Variants in PNKD observed in about 807,000 individuals in gnomAD.
The protein encoded by PNKD is probable thioesterase PNKD.
PNKD carries 36 observed loss-of-function variants against 45.3 expected under a neutral mutation model. The observed-to-expected ratio is 0.80, with a 90% CI of 0.61 to 1.05. The LOEUF is 1.05. Ranked by LOEUF, PNKD falls within the 50% of genes least tolerant of loss-of-function variation. PNKD has a pLI of 0.00. For missense variants in PNKD, 511 were observed against 506.6 expected, an observed-to-expected ratio of 1.01 and a Z score of -0.08; for synonymous variants, 197 against 210.1, an observed-to-expected ratio of 0.94 and a Z score of 0.54.
intron 2 of PNKD, among the ~76,000 whole-genome samples, chr2:218,322,936 A>G (rs978553524): frequency 1.3e-5 from 2 of 152,166 alleles, no homozygotes; most frequent in Non-Finnish European, 2.9e-5. Flanking sequence ...CTGGACGGGG[A>G]GGCGGGCGGG....
chr2:218,273,905 AAG>A (rs945197630), intron 2 of PNKD, among the ~76,000 whole-genome samples: 4 of 152,256 alleles, frequency 2.6e-5, no homozygotes, highest in African/African-American at 9.6e-5. Context: ...CTCTTTGAGG[AAG>A]AGAGTTAGCT....
intron 2 of PNKD, among the ~76,000 whole-genome samples, chr2:218,302,392 G>A (rs1693293912): frequency 1.3e-5 from 2 of 152,164 alleles, no homozygotes; most frequent in African/African-American, 4.8e-5. Flanking sequence ...CTCTTATGTT[G>A]GCAGAAGGTG....
intron 2 of PNKD, among the ~76,000 whole-genome samples, chr2:218,298,837 C>T (rs1055811863): frequency 6.6e-6 from 1 of 152,304 alleles, no homozygotes; most frequent in African/African-American, 2.4e-5. Flanking sequence ...TTGCCCCCCA[C>T]CTAGGAAGCT....
Position 218,288,661 on chromosome 2 carries a change from G to A in PNKD, c.236+17112G>A, listed in dbSNP as rs150641949. On this transcript the variant is annotated intron_variant, in intron 2 of 9. Coordinates refer to ENST00000273077, the MANE Select transcript of PNKD (RefSeq NM_015488.5). The stretch of plus-strand genomic sequence containing the variant: ...CAGATTAGGGACGCTCAACCAGTAA[G>A]TATAATATACATAGCCCCAAATCCG... Among the ~76,000 whole-genome samples, 534 of 152,280 alleles carry A rather than the reference G, an allele frequency of 3.5e-3. 3 individuals are homozygous for A. Among genetic ancestry groups the A allele is most frequent in the African/African-American group, 0.012 (515 of 41,548 alleles).
chr2:218,290,217 A>G (rs991901736), intron 2 of PNKD: 2 of 152,258 alleles, frequency 1.3e-5, no homozygotes, highest in African/African-American at 4.8e-5. Context: ...GAAATTCACA[A>G]TGGCATATTC....
chr2:218,302,784 C>T (rs550190718), intron 2 of PNKD, among the ~76,000 whole-genome samples: 20 of 152,286 alleles, frequency 1.3e-4, no homozygotes, highest in Admixed American at 2.0e-4. Flanking sequence ...CCTGAGAACA[C>T]GTGGCCCAAG....
intron 2 of PNKD, chr2:218,323,368 G>A (rs1305854930): frequency 1.3e-6 from 2 of 1,581,814 alleles, no homozygotes; most frequent in Non-Finnish European, 8.6e-7. Context: ...CGCGGCTGCC[G>A]AGCGCGGCGG....
chr2:218,270,549 T>C lies in PNKD; in HGVS notation c.14T>C (p.Val5Ala). ...TGGGATCTGAACATGGCGGCGGTGG[T>C]AGCTGCTACGGCGCTGAAGGGCCGG... is the stretch of plus-strand genomic sequence containing the variant. MAAV[V>A]AATALKGRGA... Residue 5 changes from valine (V) to alanine (A), a missense_variant, in exon 1 of 10, where the codon GTA becomes GCA. Val to Ala is a moderately conservative substitution (Grantham distance 64, BLOSUM62 0). Transcript: ENST00000273077. 1 of 1,232,050 alleles carries C rather than the reference T, an allele frequency of 8.1e-7. No individual in the cohort carries two copies. The highest frequency in any genetic ancestry group is 1.0e-6 in the Non-Finnish European group (1 of 954,592). 76.3% of individuals were successfully genotyped at this position (1,232,050 alleles called of 1,614,324 possible).
chr2:218,342,026 C>T lies in PNKD; in HGVS notation c.663C>T (p.Ile221=). 6.2e-7 allele frequency: 1 copy of T among 1,613,630 alleles called. No homozygotes were observed. The highest frequency in any genetic ancestry group is 8.5e-7 in the Non-Finnish European group (1 of 1,179,510). ...QDVVSVGRLQ[I]RALATPGHTQ... The stretch of plus-strand genomic sequence containing the variant: ...TGGTCAGCGTGGGACGGCTTCAGAT[C>T]CGGGCCCTGGCTACACCTGGCCACA... Residue 221 remains isoleucine (I), a synonymous_variant, in exon 7 of 10, where the codon ATC becomes ATT. Transcript: ENST00000273077.
chr2:218,345,075 T>G lies in PNKD; in HGVS notation c.*94T>G. ...CCTTCTCATCGCTAACACCACCACC[T>G]CCATCGGCACCCAAGCGGGCATCAT... On this transcript the variant is annotated 3_prime_UTR_variant, in exon 10 of 10. Transcript: ENST00000273077. 1 of 930,172 alleles carries G rather than the reference T, an allele frequency of 1.1e-6. No homozygotes were observed. The highest frequency in any genetic ancestry group is 1.6e-6 in the Non-Finnish European group (1 of 610,750). The allele number at this position is 930,172 out of a possible 1,614,324, so 57.6% of individuals were successfully genotyped here.
rs140776569 is a variant in PNKD at position 218,291,939 on chromosome 2, AC to A, written c.236+20397del. ...GCTTCTGCCCCAGCTGCAAGCTAGGACCCCCCCTTCCCCACCCCTTAAATAT... is the reference window on the plus strand; with the variant it reads ...GCTTCTGCCCCAGCTGCAAGCTAGGACCCCCCTTCCCCACCCCTTAAATAT... On this transcript the variant is annotated intron_variant, in intron 2 of 9. Coordinates refer to ENST00000273077, the MANE Select transcript of PNKD (RefSeq NM_015488.5). Among the ~76,000 whole-genome samples the A allele has an allele frequency of 2.1e-3, 313 of 150,428 alleles. 1 individual carries two copies. The highest frequency in any genetic ancestry group is 3.5e-3 in the Non-Finnish European group (234 of 67,512).
chr2:218,297,972 T>C (rs376795928), intron 2 of PNKD, among the ~76,000 whole-genome samples: 106 of 137,624 alleles, frequency 7.7e-4, no homozygotes, highest in African/African-American at 2.7e-3. Flanking sequence ...CACTCCAGCC[T>C]GGGCAACAGA....
At chr2:218,319,990 G>A (rs192372724) in intron 2 of PNKD, among the ~76,000 whole-genome samples, 8 of 152,380 alleles carry the variant, frequency 5.3e-5, no homozygotes, top group Admixed American at 1.3e-4. Flanking sequence ...AAGGCCCTGA[G>A]GTGGGAATGA....
At chr2:218,322,847 C>A (rs1694024426) in intron 2 of PNKD, among the ~76,000 whole-genome samples, 1 of 152,244 alleles carries the variant, frequency 6.6e-6, no homozygotes. Flanking sequence ...AGTAATTCGG[C>A]GAATGAATAA....
chr2:218,316,808 C>T (rs1435859838), intron 2 of PNKD: 4 of 152,182 alleles, frequency 2.6e-5, no homozygotes, highest in Admixed American at 1.3e-4. Flanking sequence ...CCTGAACCAT[C>T]GCAGCCCTGA....
At chr2:218,319,893 C>T (rs1220248414) in intron 2 of PNKD, among the ~76,000 whole-genome samples, 2 of 152,264 alleles carry the variant, frequency 1.3e-5, no homozygotes, top group Non-Finnish European at 2.9e-5. Context: ...GAGGGGTTGG[C>T]GTTTGAGCTG....
intron 2 of PNKD, among the ~76,000 whole-genome samples, chr2:218,313,278 T>C (rs1693670919): frequency 6.6e-6 from 1 of 152,092 alleles, no homozygotes; most frequent in African/African-American, 2.4e-5. Flanking sequence ...GCCCGGCTAA[T>C]TTTTGTATTT....
At chr2:218,309,810 C>T (rs934199323) in intron 2 of PNKD, among the ~76,000 whole-genome samples, 5 of 151,914 alleles carry the variant, frequency 3.3e-5, no homozygotes, top group Non-Finnish European at 4.4e-5. Context: ...TGGTGCACAC[C>T]TGTAATCCCA....
At chr2:218,328,518 G>A (rs1163629917) in intron 2 of PNKD, among the ~76,000 whole-genome samples, 2 of 152,152 alleles carry the variant, frequency 1.3e-5, no homozygotes, top group African/African-American at 2.4e-5. Context: ...GTTCAAGACT[G>A]TATCCCAGAT....
Sources: allele counts gnomAD v4.1 joint callset (sites outside exome capture counted in the v4.1 genomes callset), GRCh38; gene constraint gnomAD v4.1.1; transcripts MANE v1.5; gene names NCBI Gene and HGNC (gene_info 2026-07-23, HGNC 2026-07-21).